LRPPRC: variants seen among roughly 807,000 people sequenced by gnomAD.
LRPPRC encodes the protein leucine rich pentatricopeptide repeat containing.
Under a neutral mutation model 180.3 loss-of-function variants are expected in LRPPRC, and 120 were observed. That is an observed-to-expected ratio of 0.67 (90% CI 0.57 to 0.77). The LOEUF is 0.77. Among genes scored for constraint, LRPPRC ranks in the 30% least tolerant of loss-of-function variants. The pLI is 0.00. For missense variants in LRPPRC, 2,012 were observed against 1,657.2 expected, an observed-to-expected ratio of 1.21 and a Z score of -3.72; for synonymous variants, 723 against 600.0, an observed-to-expected ratio of 1.21 and a Z score of -3.00.
rs1670344353 is a variant in LRPPRC, at chr2:43,888,311, CAG to C, written c.*287_*288del. 3 of 327,890 alleles carry C rather than the reference CAG, an allele frequency of 9.1e-6. No individual in the cohort carries two copies. The highest frequency in any genetic ancestry group is 9.1e-5 in the Admixed American group (2 of 22,056). The allele number at this position is 327,890 out of a possible 1,614,324, so 20.3% of individuals were successfully genotyped here. On this transcript the variant is annotated 3_prime_UTR_variant, in exon 38 of 38. Coordinates refer to ENST00000260665, the MANE Select transcript of LRPPRC (RefSeq NM_133259.4). The stretch of plus-strand genomic sequence containing the variant: ...TAACATTTTAATGAAATAAATGAAA[CAG>C]AGCAGGGAAACCAAAGAGCCAATTA...
At position 43,925,945 on chromosome 2, in the gene LRPPRC, G is replaced by A. The variant is rs200292987; in HGVS notation, c.2753C>T (p.Ala918Val). The change falls in exon 26 of 38, where the codon GCT becomes GTT. Residue 918 changes from alanine to valine, a missense_variant. Physicochemically the swap from Ala to Val is moderately conservative, Grantham distance 64 (BLOSUM62 0). Coordinates refer to ENST00000260665, the MANE Select transcript of LRPPRC (RefSeq NM_133259.4). ...KKIIETPGIR[A>V]RSARLQWFCD... ...AAACCACTGAAGCCTTGCAGATCGA[G>A]CTCTAATCCCTGGAGTCTGTAAAAT... 76 of 1,608,680 alleles carry A rather than the reference G, an allele frequency of 4.7e-5. No homozygotes were observed. Among genetic ancestry groups the A allele is most frequent in the Non-Finnish European group, 6.1e-5 (72 of 1,175,178 alleles).
chr2:43,894,752 T>G, intron 35 of LRPPRC, 123 bp from the exon 36 acceptor site: 1 of 673,522 alleles, frequency 1.5e-6, no homozygotes, highest in Non-Finnish European at 2.7e-6. Flanking sequence ...CTATTAAATT[T>G]AATGCACTAT....
chr2:43,890,061 G>A (rs1179917278), intron 36 of LRPPRC, among the ~76,000 whole-genome samples, 185 bp from the exon 37 acceptor site: 2 of 151,972 alleles, frequency 1.3e-5, no homozygotes, highest in Admixed American at 6.6e-5. Context: ...TCCCTCATTC[G>A]GCATCACTCA....
At chr2:43,949,572 A>T (rs771539060) in intron 16 of LRPPRC, 30 bp downstream of exon 16, 1 of 1,577,336 alleles carries the variant, frequency 6.3e-7, no homozygotes, top group Admixed American at 1.7e-5. Flanking sequence ...ATTTGTGGAT[A>T]AGTTACAATC....
At chr2:43,900,684 T>A (rs1553391623) in intron 32 of LRPPRC, among the ~76,000 whole-genome samples, 1 of 152,168 alleles carries the variant, frequency 6.6e-6, no homozygotes, top group Non-Finnish European at 1.5e-5. Context: ...TAATATCATG[T>A]CCCATTAAAT....
At chr2:43,922,672 T>C (rs765009211) in intron 27 of LRPPRC, among the ~76,000 whole-genome samples, 2 of 152,118 alleles carry the variant, frequency 1.3e-5, no homozygotes, top group Non-Finnish European at 2.9e-5. Context: ...GGCAAGAGAA[T>C]GGCGTGAACC....
intron 27 of LRPPRC, among the ~76,000 whole-genome samples, chr2:43,924,202 A>T (rs1671795831): frequency 6.6e-6 from 1 of 152,184 alleles, no homozygotes; most frequent in Non-Finnish European, 1.5e-5. Context: ...AAGAACAATA[A>T]ATCTAGATAA....
At chr2:43,953,884 A>G (rs997964180) in intron 14 of LRPPRC, among the ~76,000 whole-genome samples, 3 of 152,224 alleles carry the variant, frequency 2.0e-5, no homozygotes, top group Admixed American at 6.5e-5. Context: ...AAGATACTCA[A>G]TAATGGCCAG....
At chr2:43,929,003 A>T (rs543976588) in intron 25 of LRPPRC, among the ~76,000 whole-genome samples, 1 of 152,350 alleles carries the variant, frequency 6.6e-6, no homozygotes, top group African/African-American at 2.4e-5. Flanking sequence ...ATATCATTAT[A>T]ATAAAGTAAG....
rs375541951 is a variant in LRPPRC at position 43,904,423 on chromosome 2, T to G, written c.3364+1269A>C. 3.3e-5 allele frequency: 5 copies of G among 151,494 alleles called. No individual in the cohort carries two copies. In the East Asian group the frequency reaches 9.9e-4, roughly 30 times the overall value. The allele number at this position is 151,494 out of a possible 1,614,324, so 9.4% of individuals were successfully genotyped here. A position where few individuals can be genotyped will look rare whatever the true frequency, so the allele number is the denominator to read the frequency against. On this transcript the variant is annotated intron_variant, in intron 31 of 37. Coordinates refer to ENST00000260665, the MANE Select transcript of LRPPRC (RefSeq NM_133259.4). ...TTATAAACATGCAGGCCGGGCGTGG[T>G]GGCTCACGCCTGTAATCCCAGCACT...
rs750286954 is a variant in LRPPRC, at chr2:43,918,340, A to T, written c.2955T>A (p.Asn985Lys). The T allele has an allele frequency of 6.2e-7, 1 of 1,610,862 alleles. No homozygotes were observed. The change falls in exon 28 of 38, where the codon AAT becomes AAA. Residue 985 changes from asparagine (N) to lysine (K), a missense_variant. By Grantham distance (94) the Asn-to-Lys change is moderately conservative. Transcript: ENST00000260665. ...DAVWNKIQEE[N>K]VIPREKTLRL... is the part of the protein sequence containing the mutation. ...TTAATGTCTTTTCACGAGGAATAAC[A>T]TTTTCTTCTTGGATTTTATTCCAGA... is the stretch of plus-strand genomic sequence containing the variant.
At chr2:43,983,105 G>A (rs1345013578) in intron 1 of LRPPRC, among the ~76,000 whole-genome samples, 1 of 151,900 alleles carries the variant, frequency 6.6e-6, no homozygotes. Flanking sequence ...TAAATAAAGT[G>A]TTAAACATCA....
chr2:43,899,390 T>C (rs1430542833), intron 33 of LRPPRC, 56 bp from the exon 34 acceptor site: 2 of 1,601,070 alleles, frequency 1.2e-6, no homozygotes, highest in East Asian at 2.2e-5. Flanking sequence ...ATAACTCACC[T>C]ACCAAAGAAA....
intron 23 of LRPPRC, among the ~76,000 whole-genome samples, chr2:43,936,826 G>C (rs1672294659): frequency 6.6e-6 from 1 of 152,150 alleles, no homozygotes; most frequent in African/African-American, 2.4e-5. Context: ...AGTAGATGTT[G>C]CAGGCTGGAT....
intron 10 of LRPPRC, 39 bp from the exon 11 acceptor site, chr2:43,973,753 G>T (rs1430469245): frequency 2.5e-6 from 4 of 1,601,622 alleles, no homozygotes; most frequent in South Asian, 1.1e-5. Flanking sequence ...AGCTACCTCA[G>T]CAAAACTTCC....
chr2:43,921,061 G>A (rs543707183), intron 27 of LRPPRC, among the ~76,000 whole-genome samples: 1 of 152,324 alleles, frequency 6.6e-6, no homozygotes, highest in South Asian at 2.1e-4. Context: ...GGAAGACGAG[G>A]TAGGCAGATT....
chr2:43,935,763 C>T (rs547269696), intron 23 of LRPPRC, among the ~76,000 whole-genome samples: 58 of 152,040 alleles, frequency 3.8e-4, no homozygotes, highest in Non-Finnish European at 7.1e-4. Flanking sequence ...AAATAAAATT[C>T]ACAGGTAATA....
At chr2:43,928,848 T>C (rs949577769) in intron 25 of LRPPRC, among the ~76,000 whole-genome samples, 3 of 152,118 alleles carry the variant, frequency 2.0e-5, no homozygotes, top group Admixed American at 1.3e-4. Flanking sequence ...GGGTTAGAGT[T>C]TGACCATCTG....
chr2:43,910,818 AAAAT>A (rs760551374), intron 30 of LRPPRC, among the ~76,000 whole-genome samples: 112 of 152,250 alleles, frequency 7.4e-4, no homozygotes, highest in Non-Finnish European at 1.3e-3. Context: ...TGAAAATGAA[AAAAT>A]AAATAAATAA....
Sources: gnomAD v4.1 joint callset for allele counts (sites outside exome capture counted in the v4.1 genomes callset) on GRCh38, gnomAD v4.1.1 for gene constraint, MANE v1.5 for transcripts, NCBI Gene and HGNC (gene_info 2026-07-23, HGNC 2026-07-21) for gene names.